PDPR: variants seen among roughly 807,000 people sequenced by gnomAD.
PDPR encodes the protein pyruvate dehydrogenase phosphatase regulatory subunit, mitochondrial.
In PDPR, 50 loss-of-function variants were observed where a neutral mutation model predicts 102.2. The observed-to-expected ratio is 0.49, with a 90% CI of 0.39 to 0.62. The LOEUF (loss-of-function observed/expected upper bound fraction) is 0.62, where lower values mean the gene tolerates loss of function less well. PDPR is among the 20% of genes least tolerant of loss of function. The pLI is 0.00. For missense variants in PDPR, 625 were observed against 1,098.2 expected, an observed-to-expected ratio of 0.57 and a Z score of 6.09; for synonymous variants, 259 against 406.0, an observed-to-expected ratio of 0.64 and a Z score of 4.35.
chr16:70,148,120 C>T (rs1395845066), intron 16 of PDPR, among the ~76,000 whole-genome samples: 12 of 152,370 alleles, frequency 7.9e-5, no homozygotes, highest in Non-Finnish European at 1.3e-4. Flanking sequence ...AGAGAAGACA[C>T]TCGCCTTGTC....
chr16:70,124,064 A>C (rs1319753032), intron 3 of PDPR, among the ~76,000 whole-genome samples: 1 of 150,576 alleles, frequency 6.6e-6, no homozygotes, highest in East Asian at 2.0e-4. Flanking sequence ...CAAAAAAAAA[A>C]AAAAAAATTA....
rs1368376835 is a variant in PDPR at position 70,144,191 on chromosome 16, G to A, written c.1755-230G>A. Among the ~76,000 whole-genome samples the A allele has an allele frequency of 1.7e-4, 26 of 150,432 alleles. No individual in the cohort carries two copies. In the South Asian group the frequency reaches 2.2e-3, roughly 13 times the overall value. ...CAGGTGTGAGCCACTGTGCCCAGCC[G>A]ATGTCTTAACGTTAGTAAATCTGTA... On this transcript the variant is annotated intron_variant, in intron 14 of 18. Coordinates refer to ENST00000288050, the MANE Select transcript of PDPR (RefSeq NM_017990.5).
At chr16:70,148,645 C>G in intron 17 of PDPR, 92 bp downstream of exon 17, 1 of 1,216,484 alleles carries the variant, frequency 8.2e-7, no homozygotes, top group Non-Finnish European at 1.2e-6. Context: ...CCAGTGCTCC[C>G]AGCAGCGCGT....
Position 70,156,820 on chromosome 16 carries a change from C to G in PDPR, c.2581C>G (p.Leu861Val), listed in dbSNP as rs767404485. The change falls in exon 19 of 19, where the codon CTC (leucine) becomes GTC (valine). Residue 861 changes from leucine (L) to valine (V), a missense_variant. Around this residue, in one of 11 missense-constraint regions of PDPR, gnomAD observed 303 missense variants for 258.9 expected, o/e 1.17. Transcript: ENST00000288050. ...AKAKLYPVAS[L>V]FTQKRRKDDM... is the part of the protein sequence containing the mutation. The stretch of plus-strand genomic sequence containing the variant: ...GGCCAAGCTCTACCCTGTCGCCTCC[C>G]TCTTCACCCAGAAGCGCCGAAAGGA... 2 of 1,614,082 alleles carry G rather than the reference C, an allele frequency of 1.2e-6. No individual in the cohort carries two copies. The highest frequency in any genetic ancestry group is 2.2e-5 in the East Asian group (1 of 44,886).
intron 15 of PDPR, among the ~76,000 whole-genome samples, chr16:70,144,951 C>CAA (rs71385644): frequency 9.1e-4 from 134 of 147,346 alleles, no homozygotes; most frequent in South Asian, 3.3e-3. Flanking sequence ...GACTCCATCT[C>CAA]AAAAAAAAAA....
intron 2 of PDPR, chr16:70,120,150 C>G: frequency 3.7e-6 from 1 of 271,042 alleles, no homozygotes; most frequent in South Asian, 3.9e-5. Flanking sequence ...CCCCTGACCT[C>G]GTTATCCACT....
chr16:70,119,466 C>T (rs1323072680), intron 2 of PDPR, among the ~76,000 whole-genome samples: 1 of 150,000 alleles, frequency 6.7e-6, no homozygotes, highest in Non-Finnish European at 1.5e-5. Flanking sequence ...TGATGGCACC[C>T]AAGGGCTGTG....
intron 4 of PDPR, among the ~76,000 whole-genome samples, chr16:70,128,503 C>T (rs1302554150): frequency 6.6e-6 from 1 of 152,250 alleles, no homozygotes; most frequent in Non-Finnish European, 1.5e-5. Context: ...GCTGCGATTA[C>T]AAGCATGAGC....
Position 70,156,790 on chromosome 16 carries a change from G to C in PDPR, c.2551G>C (p.Ala851Pro), listed in dbSNP as rs1967263356. The C allele has an allele frequency of 2.5e-6, 4 of 1,613,942 alleles. No homozygotes were observed. The highest frequency in any genetic ancestry group is 3.4e-6 in the Non-Finnish European group (4 of 1,179,902). ...TGACATCGCGGGATACCGCTTCCAG[G>C]CCAAGGCCAAGCTCTACCCTGTCGC... Reference protein sequence around the residue: ...EIDIAGYRFQAKAKLYPVASL... With the variant: ...EIDIAGYRFQPKAKLYPVASL... Residue 851 changes from alanine (A) to proline (P), a missense_variant, in exon 19 of 19, where the codon GCC becomes CCC. By Grantham distance (27) the Ala-to-Pro change is conservative. This residue lies in a region of PDPR where 303 missense variants were observed against 258.9 expected (regional missense o/e 1.17). Transcript: ENST00000288050.
chr16:70,121,689 CAAAA>C (rs145401299), intron 3 of PDPR, among the ~76,000 whole-genome samples: 1 of 141,200 alleles, frequency 7.1e-6, no homozygotes. Context: ...GAGACTGTCT[CAAAA>C]AAAAAAAAAA....
At chr16:70,146,302 C>G in intron 16 of PDPR, 74 bp downstream of exon 16, 1 of 1,607,010 alleles carries the variant, frequency 6.2e-7, no homozygotes. Flanking sequence ...GGTACATATT[C>G]TTACTATGGT....
chr16:70,124,245 T>A (rs1963682823), intron 3 of PDPR, among the ~76,000 whole-genome samples: 1 of 152,100 alleles, frequency 6.6e-6, no homozygotes, highest in Non-Finnish European at 1.5e-5. Flanking sequence ...AGCCTGTAAT[T>A]GTAGCTACTC....
At chr16:70,134,708 C>A (rs1964918736) in intron 9 of PDPR, among the ~76,000 whole-genome samples, 1 of 151,496 alleles carries the variant, frequency 6.6e-6, no homozygotes, top group Admixed American at 6.6e-5. Context: ...ATTGCTGGAA[C>A]CCGGGAGGCA....
At chr16:70,118,041 C>G (rs1356449953) in intron 2 of PDPR, among the ~76,000 whole-genome samples, 1 of 149,418 alleles carries the variant, frequency 6.7e-6, no homozygotes, top group East Asian at 2.0e-4. Context: ...TGCAGTGAGC[C>G]GAGATCACAC....
At position 70,129,880 on chromosome 16, in the gene PDPR, A is replaced by G. The variant is rs192879482; in HGVS notation, c.608-543A>G. 1.0e-3 allele frequency among the ~76,000 whole-genome samples: 155 copies of G among 152,370 alleles called. 1 individual carries two copies. Among genetic ancestry groups the G allele is most frequent in the African/African-American group, 3.3e-3 (138 of 41,570 alleles). ...TCTCTGCTCCATAGTTTATGATTCC[A>G]GGAATTTAATTATTGTGTTCCAAAG... is the stretch of plus-strand genomic sequence containing the variant. On this transcript the variant is annotated intron_variant, in intron 6 of 18. Coordinates refer to ENST00000288050, the MANE Select transcript of PDPR (RefSeq NM_017990.5).
At chr16:70,144,762 C>T (rs1966077609) in intron 15 of PDPR, among the ~76,000 whole-genome samples, 1 of 152,244 alleles carries the variant, frequency 6.6e-6, no homozygotes, top group Non-Finnish European at 1.5e-5. Flanking sequence ...CGAGACCAAC[C>T]TGGACTATAT....
chr16:70,148,396 T>C, intron 16 of PDPR, 68 bp from the exon 17 acceptor site: 3 of 1,075,994 alleles, frequency 2.8e-6, no homozygotes, highest in Non-Finnish European at 4.2e-6. Flanking sequence ...ATGAAAGGTT[T>C]CCCCAGGCGT....
intron 3 of PDPR, 104 bp from the exon 4 acceptor site, chr16:70,127,156 G>T: frequency 1.3e-6 from 2 of 1,537,728 alleles, no homozygotes; most frequent in Non-Finnish European, 1.7e-6. Flanking sequence ...TGCCCAGCTT[G>T]TTTCCATCTT....
intron 18 of PDPR, among the ~76,000 whole-genome samples, chr16:70,156,049 C>T (rs1180741459): frequency 1.1e-4 from 17 of 152,350 alleles, no homozygotes; most frequent in African/African-American, 4.1e-4. Flanking sequence ...TCCACCACAC[C>T]CAGCTTATTT....
Sources: gnomAD v4.1 joint callset for allele counts (sites outside exome capture counted in the v4.1 genomes callset) on GRCh38, gnomAD v4.1.1 for gene constraint, gnomAD v4.1.1 regional missense constraint, MANE v1.5 for transcripts, NCBI Gene and HGNC (gene_info 2026-07-23, HGNC 2026-07-21) for gene names.